Variants in PLXNA1 observed in about 807,000 individuals in gnomAD.
PLXNA1 encodes the protein plexin A1, also known as plexin-A1.
A neutral mutation model predicts 191.7 loss-of-function variants in PLXNA1; 77 were observed. The observed-to-expected ratio is 0.40, with a 90% CI of 0.33 to 0.49. The LOEUF (loss-of-function observed/expected upper bound fraction) is 0.49, where lower values mean the gene tolerates loss of function less well. PLXNA1 is among the 20% of genes least tolerant of loss of function. The pLI, the probability that PLXNA1 is intolerant of heterozygous loss-of-function variation, is 0.63. For synonymous variants in PLXNA1, 1,137 were observed against 1,156.4 expected (o/e 0.98, Z 0.34); for missense variants, 2,110 against 2,660.2 (o/e 0.79, Z 4.55).
intron 10 of PLXNA1, among the ~76,000 whole-genome samples, chr3:127,012,594 A>G (rs564182548): frequency 2.6e-5 from 4 of 152,332 alleles, no homozygotes; most frequent in Admixed American, 6.5e-5. Flanking sequence ...GCCAGAGCGC[A>G]TGGCTCCGTC....
chr3:127,008,533 C>T (rs907567703), intron 9 of PLXNA1, among the ~76,000 whole-genome samples: 2 of 152,184 alleles, frequency 1.3e-5, no homozygotes, highest in Non-Finnish European at 2.9e-5. Context: ...GACCCAGGGC[C>T]CACAGGTGCT....
At position 127,022,270 on chromosome 3, in the gene PLXNA1, C is replaced by G; in HGVS notation, c.4224C>G (p.Leu1408=). ...AGATGGAATACGCCACAGGCGTGCTCAAGCAGCTGCTTTCCGACCTCATCG... is the reference window on the plus strand; with the variant it reads ...AGATGGAATACGCCACAGGCGTGCTGAAGCAGCTGCTTTCCGACCTCATCG... ...QGEMEYATGV[L]KQLLSDLIEK... Residue 1408 remains leucine (L), a synonymous_variant, in exon 22 of 32, where the codon CTC becomes CTG. Transcript: ENST00000393409. 1.9e-6 allele frequency: 3 copies of G among 1,613,498 alleles called. No individual in the cohort carries two copies. Among genetic ancestry groups the G allele is most frequent in the Non-Finnish European group, 2.5e-6 (3 of 1,179,918 alleles).
Position 127,034,354 on chromosome 3 carries a change from G to A in PLXNA1, c.*337G>A. ...GCTGACCTCTGAGGGGCTGAGGGGT[G>A]AGGCCAGGGCCCTCCAGGGGGAGGG... is the stretch of plus-strand genomic sequence containing the variant. On this transcript the variant is annotated 3_prime_UTR_variant, in exon 32 of 32. Coordinates refer to ENST00000393409, the MANE Select transcript of PLXNA1 (RefSeq NM_032242.4). 1 of 235,096 alleles carries A rather than the reference G, an allele frequency of 4.3e-6. No individual in the cohort carries two copies. Among genetic ancestry groups the A allele is most frequent in the Non-Finnish European group, 8.3e-6 (1 of 120,542 alleles). 14.6% of individuals were successfully genotyped at this position (235,096 alleles called of 1,614,324 possible).
In PLXNA1 at chr3:126,991,501, G is replaced by C; in HGVS notation, c.1312G>C (p.Ala438Pro). 2 of 1,612,372 alleles carry C rather than the reference G, an allele frequency of 1.2e-6. No individual in the cohort carries two copies. Among genetic ancestry groups the C allele is most frequent in the Non-Finnish European group, 1.7e-6 (2 of 1,179,568 alleles). Residue 438 changes from alanine to proline, a missense_variant, in exon 3 of 32, where the codon GCT becomes CCT. Physicochemically the swap from Ala to Pro is conservative, Grantham distance 27. This residue lies in a region of PLXNA1 where 903 missense variants were observed against 1,015.7 expected (regional missense o/e 0.89). Transcript: ENST00000393409. Reference sequence around the variant, plus strand: ...CAAGGATGATGGCCTGACCGCCGTGGCTGCCTATGACTATCGGGGCCGCAC... The same window carrying C: ...CAAGGATGATGGCCTGACCGCCGTGCCTGCCTATGACTATCGGGGCCGCAC... ...VDKDDGLTAV[A>P]AYDYRGRTVV... is the part of the protein sequence containing the mutation.
At chr3:127,007,716 G>A (rs2079075558) in intron 8 of PLXNA1, 83 bp from the exon 9 acceptor site, 1 of 813,590 alleles carries the variant, frequency 1.2e-6, no homozygotes, top group Non-Finnish European at 2.1e-6. Flanking sequence ...ATACCAGCAG[G>A]GGCGGCACAG....
intron 29 of PLXNA1, 120 bp downstream of exon 29, chr3:127,030,532 C>T: frequency 8.1e-7 from 1 of 1,236,690 alleles, no homozygotes; most frequent in Non-Finnish European, 1.1e-6. Context: ...GGGGACACAA[C>T]CCAGCAGGGG....
At position 126,983,292 on chromosome 3, in the gene PLXNA1, G is replaced by A. The variant is rs2078939772; in HGVS notation, c.-74+5G>A. 6.9e-6 allele frequency among the ~76,000 whole-genome samples: 1 copy of A among 144,010 alleles called. No homozygotes were observed. The highest frequency in any genetic ancestry group is 1.5e-5 in the Non-Finnish European group (1 of 64,944). 94.5% of individuals were successfully genotyped at this position (144,010 alleles called of 152,430 possible). A position where few individuals can be genotyped will look rare whatever the true frequency, so the allele number is the denominator to read the frequency against. ...GGGCGCGCCCCGGGGCGGCGGGTGAGTCGGGGCGCAACTTTCCCCGCGGCG... is the reference window on the plus strand; with the variant it reads ...GGGCGCGCCCCGGGGCGGCGGGTGAATCGGGGCGCAACTTTCCCCGCGGCG... On this transcript the variant is annotated splice_donor_5th_base_variant and intron_variant, in intron 1 of 31. Coordinates refer to ENST00000393409, the MANE Select transcript of PLXNA1 (RefSeq NM_032242.4).
intron 3 of PLXNA1, among the ~76,000 whole-genome samples, chr3:126,996,147 A>G (rs1380688091): frequency 1.3e-5 from 2 of 152,132 alleles, no homozygotes; most frequent in African/African-American, 4.8e-5. Flanking sequence ...CTGTGGCATT[A>G]GTTGCCATCC....
At chr3:127,009,321 G>A (rs1335156156) in intron 9 of PLXNA1, among the ~76,000 whole-genome samples, 3 of 152,086 alleles carry the variant, frequency 2.0e-5, no homozygotes, top group Non-Finnish European at 4.4e-5. Flanking sequence ...CCCTTGGGGA[G>A]TGGAGGAAGT....
chr3:127,003,251 C>T lies in PLXNA1; in HGVS notation c.1378-79C>T, dbSNP rs980272984. 6.1e-6 allele frequency: 9 copies of T among 1,467,880 alleles called. No individual in the cohort carries two copies. The African/African-American group carries it at 8.4e-5, about 14-fold the overall frequency. The allele number at this position is 1,467,880 out of a possible 1,614,324, so 90.9% of individuals were successfully genotyped here. A position where few individuals can be genotyped will look rare whatever the true frequency, so the allele number is the denominator to read the frequency against. ...GGGCAGCTCAGGGAGGGGCTTTAGA[C>T]CCCTGACCTTCTGTGGGGGGTGGGG... On this transcript the variant is annotated intron_variant, in intron 3 of 31. Transcript: ENST00000393409.
At chr3:127,012,488 A>C (rs1016866068) in intron 10 of PLXNA1, among the ~76,000 whole-genome samples, 1 of 152,242 alleles carries the variant, frequency 6.6e-6, no homozygotes, top group Non-Finnish European at 1.5e-5. Flanking sequence ...CGTGGGTCCC[A>C]GGCATGGGCT....
rs2079158404 is a variant in PLXNA1 at position 127,022,838 on chromosome 3, A to C, written c.4362+20A>C. 3 of 1,605,888 alleles carry C rather than the reference A, an allele frequency of 1.9e-6. No individual in the cohort carries two copies. The African/African-American group carries it at 4.0e-5, about 21-fold the overall frequency. ...CTCAAGGTAAGCAGAGGCGGGAGGA[A>C]GCAGGTGTCAGAGGCAGGTGAACAG... On this transcript the variant is annotated intron_variant, in intron 23 of 31. Coordinates refer to ENST00000393409, the MANE Select transcript of PLXNA1 (RefSeq NM_032242.4).
At chr3:126,984,027 C>T (rs1480708069) in intron 1 of PLXNA1, among the ~76,000 whole-genome samples, 3 of 152,210 alleles carry the variant, frequency 2.0e-5, no homozygotes, top group Non-Finnish European at 4.4e-5. Flanking sequence ...CTCGGGGCCT[C>T]TCCAGGGTCA....
intron 9 of PLXNA1, among the ~76,000 whole-genome samples, chr3:127,008,986 G>A (rs1429349625): frequency 5.9e-5 from 9 of 152,154 alleles, no homozygotes; most frequent in African/African-American, 2.2e-4. Context: ...CGCTTCTCTG[G>A]GGGTGCGGCC....
chr3:127,010,337 G>A (rs2079089389), intron 9 of PLXNA1, among the ~76,000 whole-genome samples: 1 of 152,204 alleles, frequency 6.6e-6, no homozygotes, highest in Non-Finnish European at 1.5e-5. Flanking sequence ...CCACGCCACT[G>A]CAGGCCTCCT....
rs117043507 is a variant in PLXNA1, at chr3:127,004,976, C to A, written c.1711C>A (p.Arg571Ser). 1.9e-6 allele frequency: 3 copies of A among 1,610,090 alleles called. No homozygotes were observed. The highest frequency in any genetic ancestry group is 2.5e-6 in the Non-Finnish European group (3 of 1,177,868). Residue 571 changes from arginine (R) to serine (S), a missense_variant, in exon 6 of 32, where the codon CGC becomes AGC. This residue lies in a region of PLXNA1 where 903 missense variants were observed against 1,015.7 expected (regional missense o/e 0.89). Coordinates refer to ENST00000393409, the MANE Select transcript of PLXNA1 (RefSeq NM_032242.4). Reference protein sequence around the residue: ...LQCVQLTVQPRNVSVTMSQVP... With the variant: ...LQCVQLTVQPSNVSVTMSQVP... Reference sequence around the variant, plus strand: ...GTGTGTGCAGCTGACTGTGCAGCCCCGCAATGTGTCTGTCACCATGTCCCA... The same window carrying A: ...GTGTGTGCAGCTGACTGTGCAGCCCAGCAATGTGTCTGTCACCATGTCCCA...
intron 1 of PLXNA1, among the ~76,000 whole-genome samples, chr3:126,987,226 T>C (rs1009479106): frequency 6.6e-6 from 1 of 152,240 alleles, no homozygotes; most frequent in Non-Finnish European, 1.5e-5. Flanking sequence ...GTCATCTGCC[T>C]ACAGAGTAAC....
In PLXNA1 at chr3:127,032,774, C is replaced by T. The variant is rs1454850564; in HGVS notation, c.5533C>T (p.Gln1845Ter). The T allele has an allele frequency of 6.2e-7, 1 of 1,613,248 alleles. No homozygotes were observed. Among genetic ancestry groups the T allele is most frequent in the African/African-American group, 1.3e-5 (1 of 74,902 alleles). The change falls in exon 31 of 32, where the codon CAG (glutamine) becomes TAG (stop). Residue 1845 changes from glutamine to a stop codon, truncating the protein, a stop_gained. Coordinates refer to ENST00000393409, the MANE Select transcript of PLXNA1 (RefSeq NM_032242.4). LOFTEE classifies it high-confidence loss of function. Reference protein sequence around the residue: ...LAEQSRLHLSQFNSMSALHEI... With the variant: ...LAEQSRLHLS ...TGAGCAGTCCCGCCTGCACCTGAGC[C>T]AGTTCAACAGCATGAGCGCCTTGCA... is the stretch of plus-strand genomic sequence containing the variant.
Position 127,018,453 on chromosome 3 carries a change from G to A in PLXNA1, c.3820G>A (p.Ala1274Thr), listed in dbSNP as rs1255567544. The A allele has an allele frequency of 6.2e-7, 1 of 1,612,960 alleles. No homozygotes were observed. The highest frequency in any genetic ancestry group is 2.2e-5 in the East Asian group (1 of 44,894). ...CGCCTACAAGCGCAAGTCACGAGAT[G>A]CTGACCGCACACTCAAGCGGCTGCA... is the stretch of plus-strand genomic sequence containing the variant. Reference protein sequence around the residue: ...LIAYKRKSRDADRTLKRLQLQ... With the variant: ...LIAYKRKSRDTDRTLKRLQLQ... The change falls in exon 20 of 32, where the codon GCT (alanine) becomes ACT (threonine). Residue 1274 changes from alanine (A) to threonine (T), a missense_variant. Ala to Thr is a moderately conservative substitution (Grantham distance 58). This residue lies in a region of PLXNA1 where 559 missense variants were observed against 911.5 expected (regional missense o/e 0.61). Coordinates refer to ENST00000393409, the MANE Select transcript of PLXNA1 (RefSeq NM_032242.4).
Sources: allele counts gnomAD v4.1 joint callset (sites outside exome capture counted in the v4.1 genomes callset), GRCh38; gene constraint gnomAD v4.1.1; regional missense constraint gnomAD v4.1.1; transcripts MANE v1.5; gene names NCBI Gene and HGNC (gene_info 2026-07-23, HGNC 2026-07-21).